The following DNAH7 variants were observed in gnomAD, a reference collection of about 807,000 sequenced individuals.
DNAH7 encodes the protein axonemal beta dynein heavy chain 7.
Under a neutral mutation model 444.6 loss-of-function variants are expected in DNAH7, and 397 were observed. The ratio of observed to expected loss-of-function variants is 0.89; its 90% CI spans 0.82 to 0.97. The LOEUF (loss-of-function observed/expected upper bound fraction) is 0.97, where lower values mean the gene tolerates loss of function less well. DNAH7 is among the 50% of genes least tolerant of loss of function. The pLI is 0.00. For missense variants in DNAH7, 4,902 were observed against 4,800.8 expected, an observed-to-expected ratio of 1.02 and a Z score of -0.62; for synonymous variants, 1,636 against 1,624.4, an observed-to-expected ratio of 1.01 and a Z score of -0.17.
intron 57 of DNAH7, among the ~76,000 whole-genome samples, chr2:195,788,342 G>C (rs1695725082): frequency 6.6e-6 from 1 of 152,156 alleles, no homozygotes; most frequent in Non-Finnish European, 1.5e-5. Flanking sequence ...CCAACTACAA[G>C]CCCAAGGTGA....
chr2:195,899,464 C>T (rs1177475212), intron 28 of DNAH7, among the ~76,000 whole-genome samples: 5 of 152,172 alleles, frequency 3.3e-5, no homozygotes, highest in Middle Eastern at 3.2e-3. Context: ...CAACTTAATA[C>T]AAATTGTTGC....
Position 195,864,140 on chromosome 2 carries a change from T to TG in DNAH7, c.7506+8dup. 6.2e-7 allele frequency: 1 copy of TG among 1,609,512 alleles called. No homozygotes were observed. Among genetic ancestry groups the TG allele is most frequent in the Non-Finnish European group, 8.5e-7 (1 of 1,176,264 alleles). On this transcript the variant is annotated intron_variant, in intron 41 of 64. Transcript: ENST00000312428. ...TCTAGAAGTCTATCTAAAATGTACA[T>TG]GACAATACCTGAAACCAGTCAATGG...
At chr2:195,820,693 CAACTT>C (rs1185132582) in intron 49 of DNAH7, among the ~76,000 whole-genome samples, 2 of 152,108 alleles carry the variant, frequency 1.3e-5, no homozygotes, top group South Asian at 2.1e-4. Flanking sequence ...TTTTCGATCA[CAACTT>C]AACCTAAATT....
At chr2:195,852,085 C>T (rs1053333293) in intron 46 of DNAH7, among the ~76,000 whole-genome samples, 12 of 151,946 alleles carry the variant, frequency 7.9e-5, no homozygotes, top group East Asian at 1.9e-4. Flanking sequence ...GGTGAAACCC[C>T]GTCTCTACTA....
Position 195,810,069 on chromosome 2 carries a change from G to A in DNAH7, c.9762-198C>T, listed in dbSNP as rs543483319. Among the ~76,000 whole-genome samples the A allele has an allele frequency of 1.7e-4, 26 of 151,818 alleles. No homozygotes were observed. In the South Asian group the frequency reaches 2.1e-3, roughly 12 times the overall value. Reference sequence around the variant, plus strand: ...CACTTCAGTCCAATTGCATTTTACTGTGGACTGAGTTTTTTTTTTTTAAAA... The same window carrying A: ...CACTTCAGTCCAATTGCATTTTACTATGGACTGAGTTTTTTTTTTTTAAAA... On this transcript the variant is annotated intron_variant, in intron 51 of 64. Coordinates refer to ENST00000312428, the MANE Select transcript of DNAH7 (RefSeq NM_018897.3).
chr2:196,045,155 G>A (rs1697024986), intron 5 of DNAH7, among the ~76,000 whole-genome samples: 1 of 148,512 alleles, frequency 6.7e-6, no homozygotes, highest in Non-Finnish European at 1.5e-5. Context: ...GAAGGAGGAG[G>A]AGAAGAAGGA....
chr2:195,892,415 A>C (rs749673880), intron 30 of DNAH7: 2 of 151,998 alleles, frequency 1.3e-5, no homozygotes, highest in African/African-American at 2.4e-5. Context: ...TGTCAATTTT[A>C]CCCAAAACCC....
Position 196,019,207 on chromosome 2 carries a change from T to C in DNAH7, c.832A>G (p.Met278Val), listed in dbSNP as rs755667059. The C allele has an allele frequency of 1.3e-6, 2 of 1,525,366 alleles. No homozygotes were observed. The highest frequency in any genetic ancestry group is 1.8e-6 in the Non-Finnish European group (2 of 1,125,428). 94.5% of individuals were successfully genotyped at this position (1,525,366 alleles called of 1,614,324 possible). The change falls in exon 9 of 65, where the codon ATG becomes GTG. Residue 278 changes from methionine to valine, a missense_variant. Coordinates refer to ENST00000312428, the MANE Select transcript of DNAH7 (RefSeq NM_018897.3). ...TGCCACAAATCTAGTACAGCCAGCA[T>C]TGTGGGGTTCATTGCATTCAAGTGA... ...RDHLNAMNPT[M>V]LAVLDLWHTN... is the part of the protein sequence containing the mutation.
intron 19 of DNAH7, among the ~76,000 whole-genome samples, chr2:195,954,564 A>T (rs1327737344): frequency 6.6e-6 from 1 of 152,152 alleles, no homozygotes; most frequent in African/African-American, 2.4e-5. Flanking sequence ...GGCTGGGTCA[A>T]ATGGTATTTC....
At chr2:196,015,082 A>G (rs1052263467) in intron 9 of DNAH7, among the ~76,000 whole-genome samples, 27 of 152,144 alleles carry the variant, frequency 1.8e-4, no homozygotes, top group African/African-American at 6.3e-4. Context: ...CTACTTATCC[A>G]AAAGTGAAAT....
chr2:195,787,155 A>G lies in DNAH7; in HGVS notation c.10733T>C (p.Leu3578Ser). ...SCKKPEEFKK[L>S]LYGLCFFHAL... ...ATGAAAGAAACACAGGCCATAAAGCAATTTCTTGAATTCCTCCTGTAATGA... is the reference window on the plus strand; with the variant it reads ...ATGAAAGAAACACAGGCCATAAAGCGATTTCTTGAATTCCTCCTGTAATGA... Residue 3578 changes from leucine to serine, a missense_variant, in exon 58 of 65, where the codon TTG becomes TCG. By Grantham distance (145) the Leu-to-Ser change is moderately radical. Transcript: ENST00000312428. The G allele has an allele frequency of 6.3e-7, 1 of 1,599,456 alleles. No homozygotes were observed.
intron 36 of DNAH7, among the ~76,000 whole-genome samples, chr2:195,881,490 A>C (rs1701373419): frequency 6.6e-6 from 1 of 152,226 alleles, no homozygotes; most frequent in Non-Finnish European, 1.5e-5. Context: ...CACACTTTTC[A>C]AGAGGTATGA....
intron 17 of DNAH7, among the ~76,000 whole-genome samples, chr2:195,967,343 T>G (rs1280981736): frequency 6.6e-6 from 1 of 152,220 alleles, no homozygotes; most frequent in Non-Finnish European, 1.5e-5. Context: ...TTTATTATTT[T>G]TGATGGGCTC....
intron 38 of DNAH7, among the ~76,000 whole-genome samples, chr2:195,874,024 A>G (rs1156689671): frequency 6.6e-6 from 1 of 152,164 alleles, no homozygotes; most frequent in Non-Finnish European, 1.5e-5. Flanking sequence ...TAAATGGTAA[A>G]CATCCTCAAT....
intron 51 of DNAH7, among the ~76,000 whole-genome samples, chr2:195,814,488 C>T (rs1697129942): frequency 6.6e-6 from 1 of 151,920 alleles, no homozygotes; most frequent in Non-Finnish European, 1.5e-5. Flanking sequence ...AATAAAGGAC[C>T]CATCATTATT....
chr2:196,011,555 G>A (rs1329546216), intron 10 of DNAH7, among the ~76,000 whole-genome samples: 2 of 152,086 alleles, frequency 1.3e-5, no homozygotes, highest in Non-Finnish European at 1.5e-5. Context: ...AATGGAAGAT[G>A]AGGACGATGA....
At chr2:196,041,393 G>A (rs1259201627) in intron 5 of DNAH7, among the ~76,000 whole-genome samples, 1 of 151,870 alleles carries the variant, frequency 6.6e-6, no homozygotes, top group Non-Finnish European at 1.5e-5. Context: ...AATAGAGAAA[G>A]CATAAATAAA....
Position 195,861,726 on chromosome 2 carries a change from T to G in DNAH7, c.7727A>C (p.Lys2576Thr), listed in dbSNP as rs982330103. The G allele has an allele frequency of 1.9e-6, 3 of 1,605,956 alleles. No homozygotes were observed. The highest frequency in any genetic ancestry group is 2.6e-6 in the Non-Finnish European group (3 of 1,175,314). The change falls in exon 42 of 65, where the codon AAG becomes ACG. Residue 2576 changes from lysine to threonine, a missense_variant. Coordinates refer to ENST00000312428, the MANE Select transcript of DNAH7 (RefSeq NM_018897.3). Reference protein sequence around the residue: ...LISTFKLLLEKKRSEVMKMKK... With the variant: ...LISTFKLLLETKRSEVMKMKK... ...GAAATTTGATTTTTACCTTCTTTTC[T>G]TTTCTAACAACAGTTTGAAGGTGGA... is the stretch of plus-strand genomic sequence containing the variant.
intron 63 of DNAH7, among the ~76,000 whole-genome samples, chr2:195,753,419 A>G (rs1040632185): frequency 3.3e-5 from 5 of 152,212 alleles, no homozygotes; most frequent in African/African-American, 1.2e-4. Context: ...TGCGATTATC[A>G]TACACTGTTG....
Sources: allele counts gnomAD v4.1 joint callset (sites outside exome capture counted in the v4.1 genomes callset), GRCh38; gene constraint gnomAD v4.1.1; transcripts MANE v1.5; gene names NCBI Gene and HGNC (gene_info 2026-07-23, HGNC 2026-07-21).